Variants in CFDP1 observed in about 807,000 individuals in gnomAD.
CFDP1 encodes the protein heterochromatin-stabilizing protein CFDP1.
CFDP1 carries 31 observed loss-of-function variants against 40.1 expected under a neutral mutation model. The observed-to-expected ratio is 0.77, with a 90% confidence interval of 0.58 to 1.04. The LOEUF (loss-of-function observed/expected upper bound fraction) is 1.04, where lower values mean the gene tolerates loss of function less well. Ranked by LOEUF, CFDP1 falls within the 50% of genes least tolerant of loss-of-function variation. The pLI is 0.00. For missense variants in CFDP1, 423 were observed against 343.4 expected (o/e 1.23, Z -1.83); for synonymous variants, 167 against 120.0 (o/e 1.39, Z -2.56).
At chr16:75,426,885 T>C (rs1237706195) in intron 1 of CFDP1, among the ~76,000 whole-genome samples, 1 of 151,852 alleles carries the variant, frequency 6.6e-6, no homozygotes, top group Non-Finnish European at 1.5e-5. Flanking sequence ...TGAAACCCCA[T>C]CTCTACTGAA....
intron 5 of CFDP1, among the ~76,000 whole-genome samples, chr16:75,365,314 A>G (rs2078706147): frequency 6.6e-6 from 1 of 152,234 alleles, no homozygotes; most frequent in South Asian, 2.1e-4. Context: ...TAACAACTAT[A>G]TACTCTGGCC....
intron 2 of CFDP1, among the ~76,000 whole-genome samples, chr16:75,413,239 C>T (rs2079177588): frequency 6.6e-6 from 1 of 152,092 alleles, no homozygotes; most frequent in Non-Finnish European, 1.5e-5. Context: ...ATGTTTCTTC[C>T]CACTTTCGGA....
chr16:75,297,658 C>T (rs1015536974), intron 6 of CFDP1, among the ~76,000 whole-genome samples: 1 of 152,198 alleles, frequency 6.6e-6, no homozygotes, highest in African/African-American at 2.4e-5. Context: ...ATGCATCATC[C>T]CTTTCTGCTT....
At chr16:75,295,128 T>C (rs1205405309) in intron 6 of CFDP1, among the ~76,000 whole-genome samples, 1 of 152,226 alleles carries the variant, frequency 6.6e-6, no homozygotes, top group Non-Finnish European at 1.5e-5. Flanking sequence ...AGTCATTACA[T>C]TTATAGTGAG....
chr16:75,349,470 C>A (rs1467061822), intron 5 of CFDP1, among the ~76,000 whole-genome samples: 1 of 150,014 alleles, frequency 6.7e-6, no homozygotes, highest in Non-Finnish European at 1.5e-5. Context: ...GATCATGCCA[C>A]TGCACTCTAG....
At chr16:75,312,864 G>A (rs995493864) in intron 5 of CFDP1, among the ~76,000 whole-genome samples, 2 of 152,182 alleles carry the variant, frequency 1.3e-5, no homozygotes, top group South Asian at 4.1e-4. Context: ...AGCAGTAGAG[G>A]TACTCTAAAT....
At chr16:75,348,141 G>C (rs2078583054) in intron 5 of CFDP1, among the ~76,000 whole-genome samples, 1 of 152,096 alleles carries the variant, frequency 6.6e-6, no homozygotes, top group Admixed American at 6.5e-5. Flanking sequence ...TTAGAGACAA[G>C]GTCTCACTTA....
chr16:75,426,071 C>T (rs2079339656), intron 1 of CFDP1, among the ~76,000 whole-genome samples: 1 of 136,332 alleles, frequency 7.3e-6, no homozygotes, highest in South Asian at 2.3e-4. Flanking sequence ...AAAGTAAAGG[C>T]CAGGCACTGT....
chr16:75,418,988 A>T (rs757560556), intron 1 of CFDP1: 4 of 287,952 alleles, frequency 1.4e-5, no homozygotes, highest in South Asian at 1.1e-4. Flanking sequence ...AAAGATTTTT[A>T]AAAAATTAGT....
intron 5 of CFDP1, among the ~76,000 whole-genome samples, chr16:75,348,811 A>G (rs553977512): frequency 1.1e-4 from 16 of 152,204 alleles, no homozygotes; most frequent in Non-Finnish European, 2.2e-4. Flanking sequence ...GTGCACATCT[A>G]TTGTCAAAGT....
intron 4 of CFDP1, among the ~76,000 whole-genome samples, chr16:75,405,285 TAA>T (rs2079088380): frequency 6.6e-6 from 1 of 152,208 alleles, no homozygotes; most frequent in Non-Finnish European, 1.5e-5. Context: ...TTTATTTTTA[TAA>T]CTTATTTTTA....
intron 5 of CFDP1, among the ~76,000 whole-genome samples, chr16:75,330,661 T>A (rs1014298630): frequency 6.6e-6 from 1 of 152,212 alleles, no homozygotes; most frequent in Non-Finnish European, 1.5e-5. Flanking sequence ...GAGAGGTCTT[T>A]CTTCTACAGC....
intron 5 of CFDP1, among the ~76,000 whole-genome samples, chr16:75,315,189 C>T (rs1038725878): frequency 2.0e-4 from 30 of 152,002 alleles, no homozygotes; most frequent in African/African-American, 5.3e-4. Context: ...AAAAATTTGC[C>T]GGGTGTGACG....
chr16:75,311,838 C>A (rs1181957558), intron 5 of CFDP1, among the ~76,000 whole-genome samples: 1 of 149,818 alleles, frequency 6.7e-6, no homozygotes, highest in African/African-American at 2.5e-5. Flanking sequence ...CTCCTGGGCT[C>A]AAGCAATCCT....
At chr16:75,407,674 A>G (rs247432) in intron 4 of CFDP1, among the ~76,000 whole-genome samples, 3,288 of 111,166 alleles carry the variant, frequency 0.03, 54 homozygotes, top group Non-Finnish European at 0.045. Flanking sequence ...AAAAAAAAAG[A>G]AAAAAAAGAA....
At chr16:75,324,454 G>A (rs1189481669) in intron 5 of CFDP1, among the ~76,000 whole-genome samples, 1 of 152,034 alleles carries the variant, frequency 6.6e-6, no homozygotes, top group Non-Finnish European at 1.5e-5. Flanking sequence ...AAAAATTGTT[G>A]TTGCTGGCTG....
In CFDP1 at chr16:75,422,519, C is replaced by T. The variant is rs747159262; in HGVS notation, c.65-7824G>A. 1.1e-4 allele frequency among the ~76,000 whole-genome samples: 16 copies of T among 151,596 alleles called. No homozygotes were observed. The South Asian group carries it at 1.7e-3, about 16-fold the overall frequency. On this transcript the variant is annotated intron_variant, in intron 1 of 6. Transcript: ENST00000283882. ...AAGTGATTCTCCTGCCTCAGCCTCA[C>T]GAATACCTGAGACTACAGGTATGCA...
At chr16:75,351,261 A>C (rs11860231) in intron 5 of CFDP1, among the ~76,000 whole-genome samples, 1 of 152,038 alleles carries the variant, frequency 6.6e-6, no homozygotes, top group Admixed American at 6.5e-5. Flanking sequence ...ATAATTATTT[A>C]CTCTATGTAT....
chr16:75,332,302 TA>T (rs1567648144), intron 5 of CFDP1, among the ~76,000 whole-genome samples: 1 of 151,846 alleles, frequency 6.6e-6, no homozygotes. Flanking sequence ...CCATCTCTAC[TA>T]AAAATACAAA....
Sources: gnomAD v4.1 joint callset for allele counts (sites outside exome capture counted in the v4.1 genomes callset) on GRCh38, gnomAD v4.1.1 for gene constraint, MANE v1.5 for transcripts, NCBI Gene and HGNC (gene_info 2026-07-23, HGNC 2026-07-21) for gene names.